The following MYO1E variants were observed in gnomAD, a reference collection of about 807,000 sequenced individuals.
MYO1E encodes myosin IE.
In MYO1E, 68 loss-of-function variants were observed where a neutral mutation model predicts 151.1. That is an observed-to-expected ratio of 0.45 (90% CI 0.37 to 0.55). The LOEUF is 0.55. MYO1E is among the 20% of genes least tolerant of loss of function. The pLI, the probability that MYO1E is intolerant of heterozygous loss-of-function variation, is 0.00. For synonymous variants in MYO1E, 601 were observed against 501.7 expected (o/e 1.20, Z -2.64); for missense variants, 1,363 against 1,389.3 (o/e 0.98, Z 0.30).
rs147912126 is a variant in MYO1E, at chr15:59,184,298, C to T, written c.1904+3820G>A. Among the ~76,000 whole-genome samples, 450 of 152,182 alleles carry T rather than the reference C, an allele frequency of 3.0e-3. 5 individuals carry two copies. Among genetic ancestry groups the T allele is most frequent in the African/African-American group, 0.01 (418 of 41,498 alleles). The stretch of plus-strand genomic sequence containing the variant: ...CTGGGATAACAGGTGGGAGCCACTG[C>T]GCCTGGCCTGGATCTCATTATTTTT... On this transcript the variant is annotated intron_variant, in intron 18 of 27. Transcript: ENST00000288235.
intron 26 of MYO1E, among the ~76,000 whole-genome samples, chr15:59,145,919 C>T (rs1362372163): frequency 6.6e-6 from 1 of 152,196 alleles, no homozygotes; most frequent in African/African-American, 2.4e-5. Context: ...TTTACCAGCA[C>T]ACTACCATCC....
At chr15:59,236,363 A>AT (rs1555413419) in intron 5 of MYO1E, among the ~76,000 whole-genome samples, 1,205 of 60,800 alleles carry the variant, frequency 0.02, 72 homozygotes, top group African/African-American at 0.052. Flanking sequence ...AAAAAAAAAA[A>AT]ATATATACAC....
chr15:59,172,352 G>A (rs1175978390), intron 21 of MYO1E, among the ~76,000 whole-genome samples: 11 of 152,012 alleles, frequency 7.2e-5, no homozygotes, highest in African/African-American at 1.9e-4. Flanking sequence ...GCAAGACTCC[G>A]TCTCAAAAAA....
intron 13 of MYO1E, among the ~76,000 whole-genome samples, chr15:59,209,942 C>T (rs963747972): frequency 6.7e-6 from 1 of 149,594 alleles, no homozygotes; most frequent in African/African-American, 2.5e-5. Flanking sequence ...TCAAGCGATC[C>T]TCCCACCTCA....
chr15:59,233,489 C>A (rs1406894375), intron 5 of MYO1E, among the ~76,000 whole-genome samples: 3 of 151,868 alleles, frequency 2.0e-5, no homozygotes, highest in Non-Finnish European at 4.4e-5. Context: ...CATGGTGAAA[C>A]CCCATCTCTA....
intron 1 of MYO1E, among the ~76,000 whole-genome samples, chr15:59,332,671 A>C (rs572898955): frequency 6.6e-6 from 1 of 152,218 alleles, no homozygotes; most frequent in African/African-American, 2.4e-5. Flanking sequence ...TTTTGCTACT[A>C]CTGAACAGAA....
intron 1 of MYO1E, among the ~76,000 whole-genome samples, chr15:59,337,494 AC>A (rs574224119): frequency 9.6e-4 from 147 of 152,354 alleles, no homozygotes; most frequent in African/African-American, 3.5e-3. Context: ...GCTTTAGCCT[AC>A]ATTATGAAAC....
At chr15:59,323,523 G>C (rs1314852718) in intron 1 of MYO1E, among the ~76,000 whole-genome samples, 1 of 151,908 alleles carries the variant, frequency 6.6e-6, no homozygotes, top group Admixed American at 6.6e-5. Flanking sequence ...AGGCACGGTG[G>C]TGGGCGCTTG....
chr15:59,312,087 T>G (rs1372739935), intron 1 of MYO1E, among the ~76,000 whole-genome samples: 1 of 152,210 alleles, frequency 6.6e-6, no homozygotes, highest in East Asian at 1.9e-4. Flanking sequence ...ATATTTTCTC[T>G]CTTAATTCAC....
At chr15:59,183,165 GA>G (rs35008306) in intron 18 of MYO1E, among the ~76,000 whole-genome samples, 137,704 of 151,980 alleles carry the variant, frequency 0.91, 62,428 homozygotes, top group East Asian at 0.96. Context: ...CCTTAGACGG[GA>G]AAAAAGAGTG....
At chr15:59,189,849 C>G (rs1296733444) in intron 17 of MYO1E, among the ~76,000 whole-genome samples, 1 of 152,162 alleles carries the variant, frequency 6.6e-6, no homozygotes, top group African/African-American at 2.4e-5. Flanking sequence ...GGTTTCTTAA[C>G]AGTAAAAATC....
chr15:59,277,982 A>G (rs1157086950), intron 1 of MYO1E, among the ~76,000 whole-genome samples: 1 of 152,284 alleles, frequency 6.6e-6, no homozygotes, highest in African/African-American at 2.4e-5. Flanking sequence ...TACAGTTTAC[A>G]TTTTTTAATC....
At chr15:59,206,393 G>A (rs1486425846) in intron 14 of MYO1E, among the ~76,000 whole-genome samples, 6 of 152,140 alleles carry the variant, frequency 3.9e-5, no homozygotes, top group Non-Finnish European at 8.8e-5. Flanking sequence ...GTCCCAGGGT[G>A]GGTCCTGGCC....
chr15:59,351,882 G>A (rs2080825421), intron 1 of MYO1E, among the ~76,000 whole-genome samples: 1 of 152,212 alleles, frequency 6.6e-6, no homozygotes, highest in Non-Finnish European at 1.5e-5. Flanking sequence ...GCCAGGACTG[G>A]AGTGTTCTGA....
chr15:59,355,678 G>A (rs768655365), intron 1 of MYO1E, among the ~76,000 whole-genome samples: 3 of 151,764 alleles, frequency 2.0e-5, no homozygotes, highest in Admixed American at 6.6e-5. Flanking sequence ...CAATCCCATG[G>A]CAATTCTTTC....
At chr15:59,268,959 G>T (rs187450153) in intron 2 of MYO1E, among the ~76,000 whole-genome samples, 1 of 151,754 alleles carries the variant, frequency 6.6e-6, no homozygotes, top group Non-Finnish European at 1.5e-5. Flanking sequence ...CCAAAAAACC[G>T]TATTTCCATC....
At chr15:59,239,239 TAA>T (rs200380067) in intron 4 of MYO1E, among the ~76,000 whole-genome samples, 46 of 146,980 alleles carry the variant, frequency 3.1e-4, no homozygotes, top group South Asian at 2.1e-3. Context: ...TTTTATTTTT[TAA>T]AATTTGTGTA....
chr15:59,249,976 G>T (rs2080154325), intron 4 of MYO1E, among the ~76,000 whole-genome samples: 1 of 151,952 alleles, frequency 6.6e-6, no homozygotes, highest in Non-Finnish European at 1.5e-5. Context: ...AGGTGAAAAA[G>T]CCAAGGCCCA....
At position 59,252,678 on chromosome 15, in the gene MYO1E, G is replaced by T. The variant is rs187631731; in HGVS notation, c.332+3606C>A. On this transcript the variant is annotated intron_variant, in intron 4 of 27. Coordinates refer to ENST00000288235, the MANE Select transcript of MYO1E (RefSeq NM_004998.4). The stretch of plus-strand genomic sequence containing the variant: ...TGCAATGAGCCAAGATCGTGCCACT[G>T]CACTCCAGCCTGGGCGACAGAGTGA... 4.0e-3 allele frequency among the ~76,000 whole-genome samples: 598 copies of T among 151,356 alleles called. 5 individuals carry two copies. Among genetic ancestry groups the T allele is most frequent in the African/African-American group, 0.014 (559 of 41,246 alleles).
Sources: allele counts gnomAD v4.1 joint callset (sites outside exome capture counted in the v4.1 genomes callset), GRCh38; gene constraint gnomAD v4.1.1; transcripts MANE v1.5; gene names NCBI Gene and HGNC (gene_info 2026-07-23, HGNC 2026-07-21).